The following PLEKHA6 variants were observed in gnomAD, a reference collection of about 807,000 sequenced individuals.
PLEKHA6 encodes the protein pleckstrin homology domain containing A6.
In PLEKHA6, 60 loss-of-function variants were observed where a neutral mutation model predicts 116.7. The observed-to-expected ratio is 0.51, with a 90% confidence interval of 0.42 to 0.64. The LOEUF is 0.64. Among genes scored for constraint, PLEKHA6 ranks in the 30% least tolerant of loss-of-function variants. The pLI, the probability that PLEKHA6 is intolerant of heterozygous loss-of-function variation, is 0.00. For missense variants in PLEKHA6, 1,338 were observed against 1,422.7 expected, an observed-to-expected ratio of 0.94 and a Z score of 0.96; for synonymous variants, 489 against 556.1, an observed-to-expected ratio of 0.88 and a Z score of 1.70.
chr1:204,233,187 C>CTTTTTTTTTTTTTTTTTTTTTTTTT (rs57991213), intron 17 of PLEKHA6, among the ~76,000 whole-genome samples: 1 of 129,786 alleles, frequency 7.7e-6, no homozygotes, highest in Non-Finnish European at 1.6e-5. Context: ...TTTTCTTTTT[C>CTTTTTTTTTTTTTTTTTTTTTTTTT]TTTTTTTTTT....
At chr1:204,243,873 T>G (rs1166883240) in intron 15 of PLEKHA6, among the ~76,000 whole-genome samples, 1 of 152,192 alleles carries the variant, frequency 6.6e-6, no homozygotes, top group Admixed American at 6.5e-5. Flanking sequence ...CAGGCTGAAG[T>G]GCAGTGGCGC....
rs60251937 is a variant in PLEKHA6, at chr1:204,308,687, C to CTTT, written c.-94-33881_-94-33879dup. ...CAAGAAGGTAATTCTTTTTCTTTTT[C>CTTT]TTTTTTTTTTTTTTTTTTTTTGAGA... On this transcript the variant is annotated intron_variant, in intron 1 of 22. Coordinates refer to ENST00000272203, the MANE Select transcript of PLEKHA6 (RefSeq NM_014935.5). 1.5e-3 allele frequency among the ~76,000 whole-genome samples: 120 copies of CTTT among 81,392 alleles called. 9 individuals carry two copies. The highest frequency in any genetic ancestry group is 0.019 in the Middle Eastern group (1 of 52). The allele number at this position is 81,392 out of a possible 152,430, so 53.4% of individuals were successfully genotyped here. A position where few individuals can be genotyped will look rare whatever the true frequency, so the allele number is the denominator to read the frequency against.
upstream of PLEKHA6, among the ~76,000 whole-genome samples, chr1:204,364,817 T>G (rs1035695932): frequency 6.6e-6 from 1 of 152,190 alleles, no homozygotes; most frequent in Admixed American, 6.5e-5. Flanking sequence ...CTAGACCCTC[T>G]GAATCCGAAA....
At chr1:204,347,314 G>A in intron 1 of PLEKHA6, 1 of 766,786 alleles carries the variant, frequency 1.3e-6, no homozygotes, top group East Asian at 2.6e-5. Flanking sequence ...ATTTGCTTTT[G>A]AAAGAAGAGA....
chr1:204,241,210 G>A (rs1369378906), intron 17 of PLEKHA6, among the ~76,000 whole-genome samples, 165 bp downstream of exon 17: 2 of 152,194 alleles, frequency 1.3e-5, no homozygotes, highest in Non-Finnish European at 2.9e-5. Context: ...TCTCCCTGCA[G>A]GAGAGCTCCT....
At position 204,238,713 on chromosome 1, in the gene PLEKHA6, G is replaced by A. The variant is rs1662399780; in HGVS notation, c.2409+2662C>T. Among the ~76,000 whole-genome samples, 1 of 152,180 alleles carries A rather than the reference G, an allele frequency of 6.6e-6. No homozygotes were observed. Among genetic ancestry groups the A allele is most frequent in the African/African-American group, 2.4e-5 (1 of 41,444 alleles). ...GATGGACTCATGGGGAGTTCCCTAT[G>A]ATCAGTTGACAGAGGAAGAGAAGAC... On this transcript the variant is annotated intron_variant, in intron 17 of 22. Transcript: ENST00000272203. The surrounding 1 kb of genome is among the most constrained non-coding windows in gnomAD (Gnocchi z 4.2).
rs140041021 is a variant in PLEKHA6, at chr1:204,276,353, C to T, written c.-94-1544G>A. Among the ~76,000 whole-genome samples the T allele has an allele frequency of 3.4e-4, 52 of 152,248 alleles. 1 individual carries two copies. The highest frequency in any genetic ancestry group is 1.2e-3 in the African/African-American group (51 of 41,534). On this transcript the variant is annotated intron_variant, in intron 1 of 22. Transcript: ENST00000272203. ...ACTTCCCAAACTTTATTCCCACCTC[C>T]CTCCCAGGTCCAACAAGGACACACT...
intron 1 of PLEKHA6, among the ~76,000 whole-genome samples, chr1:204,284,962 A>T (rs1669003484): frequency 6.6e-6 from 1 of 152,196 alleles, no homozygotes; most frequent in Admixed American, 6.5e-5. Context: ...GAATACAATA[A>T]ATAGCACTAT....
intron 1 of PLEKHA6, among the ~76,000 whole-genome samples, chr1:204,372,585 AAGACTCC>A (rs1297706251): frequency 3.3e-5 from 5 of 152,190 alleles, no homozygotes. Context: ...TCCACTAAGA[AAGACTCC>A]ATTAAACTTT....
intron 9 of PLEKHA6, chr1:204,256,780 G>A (rs1259612413): frequency 8.5e-6 from 5 of 590,056 alleles, no homozygotes; most frequent in South Asian, 6.2e-5. Context: ...CCTGAGACAG[G>A]TGGAGGGGAG....
At chr1:204,264,712 C>G (rs116600683) in intron 6 of PLEKHA6, among the ~76,000 whole-genome samples, 1 of 152,168 alleles carries the variant, frequency 6.6e-6, no homozygotes, top group Non-Finnish European at 1.5e-5. Flanking sequence ...CCCACCCAAC[C>G]CCCAAGAGAG....
intron 9 of PLEKHA6, among the ~76,000 whole-genome samples, chr1:204,251,324 G>A (rs1414771941): frequency 6.6e-6 from 1 of 152,196 alleles, no homozygotes; most frequent in Non-Finnish European, 1.5e-5. Context: ...TATTTTGATG[G>A]TTTGGGAAAT....
chr1:204,376,305 T>C (rs755592336), intron 1 of PLEKHA6, among the ~76,000 whole-genome samples: 1 of 152,210 alleles, frequency 6.6e-6, no homozygotes, highest in African/African-American at 2.4e-5. Flanking sequence ...ATCCTCTGAA[T>C]AGGAATCTCC....
At chr1:204,322,463 C>A (rs995976101) in intron 1 of PLEKHA6, among the ~76,000 whole-genome samples, 3 of 152,208 alleles carry the variant, frequency 2.0e-5, no homozygotes, top group Non-Finnish European at 4.4e-5. Context: ...AGCTCCCTGG[C>A]GTGACTTGGG....
At chr1:204,322,822 C>G (rs966434159) in intron 1 of PLEKHA6, among the ~76,000 whole-genome samples, 2 of 152,162 alleles carry the variant, frequency 1.3e-5, no homozygotes, top group African/African-American at 4.8e-5. Flanking sequence ...TTCTGGGGAC[C>G]ACTCTTCCCA....
intron 1 of PLEKHA6, chr1:204,299,709 A>G: frequency 1.2e-6 from 1 of 857,206 alleles, no homozygotes; most frequent in Non-Finnish European, 1.4e-6. Context: ...CTGCCCCCTC[A>G]TGTCTTCTTT....
chr1:204,219,393 G>A lies in PLEKHA6; in HGVS notation c.*3395C>T, dbSNP rs1458642507. On this transcript the variant is annotated 3_prime_UTR_variant, in exon 23 of 23. Transcript: ENST00000272203. ...GAACATGCCTCTCCCAAAGGCCGGAGAGCAAGTGTGCCACTTGTGCCCTTA... is the reference window on the plus strand; with the variant it reads ...GAACATGCCTCTCCCAAAGGCCGGAAAGCAAGTGTGCCACTTGTGCCCTTA... The A allele has an allele frequency of 2.6e-5, 4 of 152,590 alleles. No homozygotes were observed. Among genetic ancestry groups the A allele is most frequent in the African/African-American group, 4.8e-5 (2 of 41,440 alleles). The allele number at this position is 152,590 out of a possible 1,614,324, so 9.5% of individuals were successfully genotyped here.
intron 1 of PLEKHA6, chr1:204,297,037 C>A (rs1045380395): frequency 1.2e-6 from 1 of 856,352 alleles, no homozygotes; most frequent in African/African-American, 1.8e-5. Flanking sequence ...GCCACCGTAC[C>A]CATCCCTGCA....
intron 1 of PLEKHA6, among the ~76,000 whole-genome samples, chr1:204,303,436 GAA>G (rs1473791307): frequency 6.6e-6 from 1 of 152,130 alleles, no homozygotes; most frequent in African/African-American, 2.4e-5. Context: ...CTGCTTTTAG[GAA>G]AAGTGTCCTA....
Sources: gnomAD v4.1 joint callset for allele counts (sites outside exome capture counted in the v4.1 genomes callset) on GRCh38, gnomAD v4.1.1 for gene constraint, Gnocchi (gnomAD v3.1) non-coding constraint, MANE v1.5 for transcripts, NCBI Gene and HGNC (gene_info 2026-07-23, HGNC 2026-07-21) for gene names.